ARFGAP3: variants seen among roughly 807,000 people sequenced by gnomAD.
The protein encoded by ARFGAP3 is ARF GTPase activating protein 3.
Under a neutral mutation model 75.0 loss-of-function variants are expected in ARFGAP3, and 72 were observed. The observed-to-expected ratio is 0.96, with a 90% CI of 0.79 to 1.17. The LOEUF is 1.17. Among genes scored for constraint, ARFGAP3 ranks in the 50% most tolerant of loss-of-function variants. The probability of loss-of-function intolerance (pLI) is 0.00; values close to 1 mark genes in which losing one functional copy is unlikely to be tolerated. For synonymous variants in ARFGAP3, 221 were observed against 217.9 expected, an observed-to-expected ratio of 1.01 and a Z score of -0.13; for missense variants, 620 against 626.6, an observed-to-expected ratio of 0.99 and a Z score of 0.11.
intron 1 of ARFGAP3, 97 bp from the exon 2 acceptor site, chr22:42,847,729 C>T: frequency 2.1e-6 from 3 of 1,413,508 alleles, no homozygotes; most frequent in Non-Finnish European, 2.8e-6. Flanking sequence ...ACTGTTTAAC[C>T]TTTACAATGT....
chr22:42,802,641 G>A (rs1289990576), intron 14 of ARFGAP3, among the ~76,000 whole-genome samples: 10 of 109,702 alleles, frequency 9.1e-5, no homozygotes, highest in Non-Finnish European at 1.7e-4. Context: ...TTGCTCTGTT[G>A]CCCAGGCTGG....
chr22:42,806,746 G>A (rs1023095762), intron 14 of ARFGAP3, among the ~76,000 whole-genome samples: 4 of 152,324 alleles, frequency 2.6e-5, no homozygotes, highest in African/African-American at 4.8e-5. Flanking sequence ...GGATCACACG[G>A]GAGCCCGGCG....
chr22:42,849,735 TC>T (rs1927190560), intron 1 of ARFGAP3, among the ~76,000 whole-genome samples: 1 of 151,924 alleles, frequency 6.6e-6, no homozygotes, highest in African/African-American at 2.4e-5. Context: ...TTTTTTTTTT[TC>T]TTTTGTAGAG....
At chr22:42,833,027 C>T (rs918676205) in intron 5 of ARFGAP3, among the ~76,000 whole-genome samples, 8 of 151,822 alleles carry the variant, frequency 5.3e-5, no homozygotes, top group Admixed American at 4.6e-4. Context: ...AAAGAAAGGG[C>T]CAAATAGTAA....
chr22:42,841,063 G>A, intron 2 of ARFGAP3, 47 bp from the exon 3 acceptor site: 1 of 1,589,356 alleles, frequency 6.3e-7, no homozygotes, highest in Non-Finnish European at 8.6e-7. Context: ...TTATCCCCAG[G>A]AGCAAAATCA....
rs552298807 is a variant in ARFGAP3, at chr22:42,828,018, C to T, written c.566-1019G>A. 1.4e-4 allele frequency among the ~76,000 whole-genome samples: 21 copies of T among 152,260 alleles called. No homozygotes were observed. The South Asian group carries it at 4.1e-3, about 30-fold the overall frequency. On this transcript the variant is annotated intron_variant, in intron 6 of 15. Coordinates refer to ENST00000263245, the MANE Select transcript of ARFGAP3 (RefSeq NM_014570.5). Reference sequence around the variant, plus strand: ...AAAGTGTAGGCTGGGCTTGTGGTGGCTTATGCCTGTAATCCCAGCACTTTG... The same window carrying T: ...AAAGTGTAGGCTGGGCTTGTGGTGGTTTATGCCTGTAATCCCAGCACTTTG...
chr22:42,804,911 TAAAAC>T (rs1261807317), intron 14 of ARFGAP3, among the ~76,000 whole-genome samples: 1 of 152,174 alleles, frequency 6.6e-6, no homozygotes, highest in Non-Finnish European at 1.5e-5. Context: ...ATTTATAAAA[TAAAAC>T]AAGCTTTATG....
chr22:42,846,700 C>G (rs2146583362), intron 2 of ARFGAP3, among the ~76,000 whole-genome samples: 1 of 152,348 alleles, frequency 6.6e-6, no homozygotes, highest in South Asian at 2.1e-4. Flanking sequence ...AAGTGAAGCC[C>G]TGATACAAGG....
chr22:42,801,089 G>A (rs1446347656), intron 14 of ARFGAP3, among the ~76,000 whole-genome samples: 1 of 152,214 alleles, frequency 6.6e-6, no homozygotes, highest in Non-Finnish European at 1.5e-5. Flanking sequence ...GTAGACAGCT[G>A]GGAGGTGGCT....
intron 14 of ARFGAP3, among the ~76,000 whole-genome samples, chr22:42,801,280 G>A (rs924268402): frequency 6.6e-6 from 1 of 152,186 alleles, no homozygotes; most frequent in African/African-American, 2.4e-5. Flanking sequence ...TGGGCAGCCA[G>A]GAAGAAGACA....
chr22:42,857,149 T>C lies in ARFGAP3; in HGVS notation c.34A>G (p.Ile12Val). 2 of 1,514,614 alleles carry C rather than the reference T, an allele frequency of 1.3e-6. No individual in the cohort carries two copies. Among genetic ancestry groups the C allele is most frequent in the African/African-American group, 1.4e-5 (1 of 69,592 alleles). 93.8% of individuals were successfully genotyped at this position (1,514,614 alleles called of 1,614,324 possible). ...GGCACCGAGCGGAGGCGCTTGAAGATGGTCAAGATGTCCTGCTTGCTGGGG... is the reference window on the plus strand; with the variant it reads ...GGCACCGAGCGGAGGCGCTTGAAGACGGTCAAGATGTCCTGCTTGCTGGGG... ...GDPSKQDILT[I>V]FKRLRSVPTN... Residue 12 changes from isoleucine (I) to valine (V), a missense_variant, in exon 1 of 16, where the codon ATC becomes GTC. Physicochemically the swap from Ile to Val is conservative, Grantham distance 29. Transcript: ENST00000263245.
chr22:42,855,178 G>C (rs530098601), intron 1 of ARFGAP3, among the ~76,000 whole-genome samples: 1 of 152,302 alleles, frequency 6.6e-6, no homozygotes, highest in East Asian at 1.9e-4. Flanking sequence ...GAAAGTAGCA[G>C]TTTGGACAAT....
chr22:42,834,792 T>C (rs1315340062), intron 4 of ARFGAP3, among the ~76,000 whole-genome samples: 1 of 152,228 alleles, frequency 6.6e-6, no homozygotes, highest in Non-Finnish European at 1.5e-5. Context: ...TACTCTGCCT[T>C]CTTGTTTCAG....
chr22:42,847,721 T>C lies in ARFGAP3; in HGVS notation c.70-89A>G, dbSNP rs922913494. 150 of 1,459,654 alleles carry C rather than the reference T, an allele frequency of 1.0e-4. 2 individuals carry two copies. The highest frequency in any genetic ancestry group is 2.8e-4 in the East Asian group (11 of 39,186). 90.4% of individuals were successfully genotyped at this position (1,459,654 alleles called of 1,614,324 possible). On this transcript the variant is annotated intron_variant, in intron 1 of 15. Transcript: ENST00000263245. Reference sequence around the variant, plus strand: ...ACAGTAAATGACTTAGCTTGAAAACTGTTTAACCTTTACAATGTAAACTTT... The same window carrying C: ...ACAGTAAATGACTTAGCTTGAAAACCGTTTAACCTTTACAATGTAAACTTT...
chr22:42,836,818 T>G (rs1926540118), intron 3 of ARFGAP3, among the ~76,000 whole-genome samples: 1 of 152,184 alleles, frequency 6.6e-6, no homozygotes, highest in African/African-American at 2.4e-5. Flanking sequence ...CAGTCACTAC[T>G]GCTGTCTACA....
Position 42,857,109 on chromosome 22 carries a change from G to T in ARFGAP3, c.69+5C>A. On this transcript the variant is annotated splice_donor_5th_base_variant and intron_variant, in intron 1 of 15. Coordinates refer to ENST00000263245, the MANE Select transcript of ARFGAP3 (RefSeq NM_014570.5). ...GGCAGGCCCGCACTCGCCCGCGGCC[G>T]CTACCTTGTTAGTGGGCACCGAGCG... 1 of 1,507,612 alleles carries T rather than the reference G, an allele frequency of 6.6e-7. No homozygotes were observed. The highest frequency in any genetic ancestry group is 8.9e-7 in the Non-Finnish European group (1 of 1,126,540). The allele number at this position is 1,507,612 out of a possible 1,614,324, so 93.4% of individuals were successfully genotyped here.
intron 2 of ARFGAP3, among the ~76,000 whole-genome samples, chr22:42,843,104 C>G (rs895689442): frequency 6.6e-6 from 1 of 152,020 alleles, no homozygotes; most frequent in Non-Finnish European, 1.5e-5. Flanking sequence ...ACCACATCCC[C>G]GCTCCTGCAT....
chr22:42,831,665 A>T (rs751510373), intron 5 of ARFGAP3, 29 bp from the exon 6 acceptor site: 1 of 1,612,944 alleles, frequency 6.2e-7, no homozygotes, highest in Non-Finnish European at 8.5e-7. Flanking sequence ...AGTCATTAGC[A>T]GACAAAGCAA....
At chr22:42,797,819 C>G in intron 15 of ARFGAP3, 2 of 842,466 alleles carry the variant, frequency 2.4e-6, no homozygotes, top group Non-Finnish European at 2.9e-6. Context: ...CAACAGGATT[C>G]ACATCCTGCC....
Sources: allele counts gnomAD v4.1 joint callset (sites outside exome capture counted in the v4.1 genomes callset), GRCh38; gene constraint gnomAD v4.1.1; transcripts MANE v1.5; gene names NCBI Gene and HGNC (gene_info 2026-07-23, HGNC 2026-07-21).